Variants in KIRREL3 observed in about 807,000 individuals in gnomAD.
KIRREL3 encodes the protein kin of IRRE-like protein 3.
Under a neutral mutation model 89.7 loss-of-function variants are expected in KIRREL3, and 36 were observed. That is an observed-to-expected ratio of 0.40 (90% CI 0.31 to 0.53). KIRREL3 has a LOEUF of 0.53. Ranked by LOEUF, KIRREL3 falls within the 20% of genes least tolerant of loss-of-function variation. KIRREL3 has a pLI of 0.49. For synonymous variants in KIRREL3, 445 were observed against 441.4 expected, an observed-to-expected ratio of 1.01 and a Z score of -0.10; for missense variants, 864 against 1,056.6, an observed-to-expected ratio of 0.82 and a Z score of 2.53.
rs57514390 is a variant in KIRREL3 at position 126,838,781 on chromosome 11, G to A, written c.55+161674C>T. Among the ~76,000 whole-genome samples the A allele has an allele frequency of 2.9e-3, 439 of 152,224 alleles. 2 individuals are homozygous for A. Among genetic ancestry groups the A allele is most frequent in the African/African-American group, 0.01 (418 of 41,522 alleles). On this transcript the variant is annotated intron_variant, in intron 1 of 16. Transcript: ENST00000525144. The stretch of plus-strand genomic sequence containing the variant: ...CAGCTGTCAGGTTGGAAAAATGTAT[G>A]GCAGTAATAAAGGGGGGAAATATAT...
chr11:127,000,569 T>G lies in KIRREL3; in HGVS notation c.-60A>C. 1 of 1,546,018 alleles carries G rather than the reference T, an allele frequency of 6.5e-7. No individual in the cohort carries two copies. Among genetic ancestry groups the G allele is most frequent in the Middle Eastern group, 1.7e-4 (1 of 5,928 alleles). On this transcript the variant is annotated 5_prime_UTR_variant, in exon 1 of 17. Coordinates refer to ENST00000525144, the MANE Select transcript of KIRREL3 (RefSeq NM_032531.4). This position sits in a 1 kb window ranked among gnomAD's most constrained non-coding sequence, Gnocchi z 7.1. ...CTTGGCTGTGGTTAGTTTCTCTTCC[T>G]TGGCGGCTCTCGGTGCTCAGCCTCC...
chr11:126,878,267 C>T lies in KIRREL3; in HGVS notation c.55+122188G>A, dbSNP rs114661513. Among the ~76,000 whole-genome samples, 213 of 152,262 alleles carry T rather than the reference C, an allele frequency of 1.4e-3. 1 individual carries two copies. The highest frequency in any genetic ancestry group is 4.8e-3 in the African/African-American group (200 of 41,554). The stretch of plus-strand genomic sequence containing the variant: ...AAAACTGTGGAGAGTTAAAAGTCCC[C>T]TGCAGCTATTAAAATAGTGTGTAGT... On this transcript the variant is annotated intron_variant, in intron 1 of 16. Transcript: ENST00000525144.
chr11:126,855,990 G>A (rs1944493751), intron 1 of KIRREL3, among the ~76,000 whole-genome samples: 1 of 152,188 alleles, frequency 6.6e-6, no homozygotes, highest in Non-Finnish European at 1.5e-5. Flanking sequence ...AAAGGACACT[G>A]GAGAGCCCCA....
chr11:126,895,796 G>C (rs1012018308), intron 1 of KIRREL3, among the ~76,000 whole-genome samples: 1 of 152,100 alleles, frequency 6.6e-6, no homozygotes, highest in Admixed American at 6.5e-5. Context: ...CTGCTGTCCT[G>C]AGCCTGGTTC....
rs1955689463 is a variant in KIRREL3 at position 126,443,970 on chromosome 11, C to A, written c.1252+1009G>T. 6.6e-6 allele frequency among the ~76,000 whole-genome samples: 1 copy of A among 152,196 alleles called. No homozygotes were observed. Among genetic ancestry groups the A allele is most frequent in the South Asian group, 2.1e-4 (1 of 4,828 alleles). On this transcript the variant is annotated intron_variant, in intron 10 of 16. Transcript: ENST00000525144. The surrounding 1 kb of genome is among the most constrained non-coding windows in gnomAD (Gnocchi z 7.3). ...CAGAGGAATCGAACTGGCAGCTTTG[C>A]TTTTTGCCTGTGGCCAAAGCACCAG...
intron 1 of KIRREL3, among the ~76,000 whole-genome samples, chr11:126,631,167 C>T (rs1335939831): frequency 6.7e-6 from 1 of 149,748 alleles, no homozygotes; most frequent in Non-Finnish European, 1.5e-5. Context: ...ATTCATTCTG[C>T]TATGTATTCA....
Position 126,755,580 on chromosome 11 carries a change from C to A in KIRREL3, c.56-192668G>T, listed in dbSNP as rs1949466288. ...CAACAAAAGAAAAAACAGAAAAAAA[C>A]AATAGGCCTACAATAGGAAAGGTCT... On this transcript the variant is annotated intron_variant, in intron 1 of 16. Coordinates refer to ENST00000525144, the MANE Select transcript of KIRREL3 (RefSeq NM_032531.4). The surrounding 1 kb of genome is among the most constrained non-coding windows in gnomAD (Gnocchi z 4.3). Among the ~76,000 whole-genome samples the A allele has an allele frequency of 6.6e-6, 1 of 152,008 alleles. No homozygotes were observed.
intron 1 of KIRREL3, among the ~76,000 whole-genome samples, chr11:126,880,390 A>G (rs1369648698): frequency 6.6e-6 from 1 of 152,128 alleles, no homozygotes. Context: ...GTTCCAAAGT[A>G]CCCTGCAATC....
Position 126,431,771 on chromosome 11 carries a change from A to T in KIRREL3, c.1589-245T>A, listed in dbSNP as rs1591521519. ...AGGAGAGGGCAGGGGAACTGAGGTA[A>T]AGGGCAGAGGAAGGAGAGCGAGGCA... On this transcript the variant is annotated intron_variant, in intron 13 of 16. Transcript: ENST00000525144. This position sits in a 1 kb window ranked among gnomAD's most constrained non-coding sequence, Gnocchi z 7.1. 6.6e-6 allele frequency among the ~76,000 whole-genome samples: 1 copy of T among 152,004 alleles called. No individual in the cohort carries two copies. The highest frequency in any genetic ancestry group is 2.1e-4 in the South Asian group (1 of 4,810).
At chr11:126,702,975 A>T (rs1947367955) in intron 1 of KIRREL3, among the ~76,000 whole-genome samples, 1 of 152,198 alleles carries the variant, frequency 6.6e-6, no homozygotes, top group South Asian at 2.1e-4. Flanking sequence ...TGGGCCCCTG[A>T]GGGCAATTGT....
intron 1 of KIRREL3, among the ~76,000 whole-genome samples, chr11:126,621,864 T>C (rs1943588237): frequency 1.3e-5 from 2 of 152,258 alleles, no homozygotes. Context: ...TAATGTGCTA[T>C]ATAAAATGAG....
At chr11:126,825,472 A>G (rs1943373960) in intron 1 of KIRREL3, among the ~76,000 whole-genome samples, 1 of 152,244 alleles carries the variant, frequency 6.6e-6, no homozygotes, top group Non-Finnish European at 1.5e-5. Context: ...GCAAAGGTTT[A>G]ATAATGACTG....
intron 1 of KIRREL3, among the ~76,000 whole-genome samples, chr11:126,957,694 A>G (rs2135169122): frequency 6.6e-6 from 1 of 152,306 alleles, no homozygotes; most frequent in South Asian, 2.1e-4. Context: ...TGACCTGTTG[A>G]GTCAGTGCTG....
intron 1 of KIRREL3, among the ~76,000 whole-genome samples, chr11:126,658,648 G>A (rs551959481): frequency 6.6e-6 from 1 of 152,326 alleles, no homozygotes; most frequent in South Asian, 2.1e-4. Context: ...GAGCTTTCCT[G>A]AATGGGATCT....
At position 126,568,599 on chromosome 11, in the gene KIRREL3, A is replaced by G. The variant is rs1940690827; in HGVS notation, c.56-5687T>C. On this transcript the variant is annotated intron_variant, in intron 1 of 16. Transcript: ENST00000525144. This position sits in a 1 kb window ranked among gnomAD's most constrained non-coding sequence, Gnocchi z 4.6. Reference sequence around the variant, plus strand: ...CCACATGGGGCAGGGGAGGTTTCAGAACTAACAGAGCTGGCTGGAGCCATG... The same window carrying G: ...CCACATGGGGCAGGGGAGGTTTCAGGACTAACAGAGCTGGCTGGAGCCATG... 6.6e-6 allele frequency among the ~76,000 whole-genome samples: 1 copy of G among 152,268 alleles called. No homozygotes were observed. The highest frequency in any genetic ancestry group is 1.9e-4 in the East Asian group (1 of 5,180).
intron 1 of KIRREL3, chr11:126,937,177 T>G (rs548280883): frequency 4.3e-4 from 65 of 152,220 alleles, no homozygotes; most frequent in African/African-American, 1.5e-3. Context: ...CAGGATAACC[T>G]CCAGCTTAGC....
chr11:126,799,134 G>A (rs1181354456), intron 1 of KIRREL3, among the ~76,000 whole-genome samples: 1 of 121,402 alleles, frequency 8.2e-6, no homozygotes, highest in African/African-American at 3.2e-5. Context: ...GCGTGTGCAT[G>A]TACCTGTGTG....
intron 1 of KIRREL3, among the ~76,000 whole-genome samples, chr11:126,893,274 G>A (rs1179815592): frequency 2.0e-5 from 3 of 152,192 alleles, no homozygotes; most frequent in Non-Finnish European, 4.4e-5. Flanking sequence ...GTCATGCATT[G>A]ATTTTATCCA....
Position 127,000,684 on chromosome 11 carries a change from G to T in KIRREL3, c.-175C>A. 1 of 563,206 alleles carries T rather than the reference G, an allele frequency of 1.8e-6. No homozygotes were observed. The highest frequency in any genetic ancestry group is 3.1e-6 in the Non-Finnish European group (1 of 320,564). 34.9% of individuals were successfully genotyped at this position (563,206 alleles called of 1,614,324 possible). A position where few individuals can be genotyped will look rare whatever the true frequency, so the allele number is the denominator to read the frequency against. ...CTCTTTGTGCCTCTGGGTATCTGCA[G>T]CCAGCCGACACAAACTGCCTGTTCT... On this transcript the variant is annotated 5_prime_UTR_variant, in exon 1 of 17. It adds an upstream start codon to the 5' untranslated region. Transcript: ENST00000525144. The surrounding 1 kb of genome is among the most constrained non-coding windows in gnomAD (Gnocchi z 7.1).
Sources: gnomAD v4.1 joint callset for allele counts (sites outside exome capture counted in the v4.1 genomes callset) on GRCh38, gnomAD v4.1.1 for gene constraint, Gnocchi (gnomAD v3.1) non-coding constraint, MANE v1.5 for transcripts, NCBI Gene and HGNC (gene_info 2026-07-23, HGNC 2026-07-21) for gene names.